WDR45: variants seen among roughly 807,000 people sequenced by gnomAD.
WDR45 encodes WD repeat domain 45.
In WDR45, 2 loss-of-function variants were observed where a neutral mutation model predicts 27.3. That is an observed-to-expected ratio of 0.07 (90% CI 0.03 to 0.23). The LOEUF (loss-of-function observed/expected upper bound fraction) is 0.23. WDR45 is among the 10% of genes least tolerant of loss of function. WDR45 has a pLI of 1.00. For synonymous variants in WDR45, 99 were observed against 119.2 expected (o/e 0.83, Z 1.11); for missense variants, 175 against 311.9 (o/e 0.56, Z 3.31).
intron 2 of WDR45, among the ~76,000 whole-genome samples, chrX:49,096,203 G>A (rs1364840634): frequency 9.0e-6 from 1 of 111,055 alleles, no homozygotes; most frequent in African/African-American, 3.3e-5. Context: ...CTTCCCCCAA[G>A]TCCAAGCATC....
chrX:49,077,012 T>A, intron 4 of WDR45: 1 of 359,712 alleles, frequency 2.8e-6, no homozygotes, highest in Admixed American at 4.9e-5. Flanking sequence ...TCAAAGCTCA[T>A]CAGCAACCAA....
Position 49,075,273 on chromosome X carries a change from C to G in WDR45, c.836G>C (p.Arg279Pro), listed in dbSNP as rs782296130. The change falls in exon 10 of 11, where the codon CGC (arginine) becomes CCC (proline). Residue 279 changes from arginine to proline, a missense_variant. This residue lies in a region of WDR45 where 71 missense variants were observed against 123.0 expected (regional missense o/e 0.58). Coordinates refer to ENST00000376372, the MANE Select transcript of WDR45 (RefSeq NM_001029896.2). The stretch of plus-strand genomic sequence containing the variant: ...AATCATAGGCCCCACCTTGCCCACG[C>G]GAGCCAGCCTGCAGGCAGCACTGGC... ...TRLNRRSALA[R>P]VGKVGPMIGQ... The G allele has an allele frequency of 3.3e-6, 4 of 1,210,645 alleles. No individual in the cohort carries two copies. The East Asian group carries it at 1.2e-4, about 36-fold the overall frequency.
intron 2 of WDR45, among the ~76,000 whole-genome samples, chrX:49,087,050 TG>T (rs1351785531): frequency 9.2e-6 from 1 of 109,063 alleles, no homozygotes; most frequent in African/African-American, 3.3e-5. Context: ...TTTTGTTTTT[TG>T]TTTTTTTTTT....
chrX:49,075,802 G>A (rs782652200), intron 7 of WDR45, 49 bp from the exon 8 acceptor site: 2 of 1,192,593 alleles, frequency 1.7e-6, no homozygotes, highest in Admixed American at 2.3e-5. Context: ...GGAGGGAAGG[G>A]GCCAAGAGTC....
chrX:49,091,622 G>T lies in WDR45; in HGVS notation c.-18+8583C>A, dbSNP rs1206311873. On this transcript the variant is annotated intron_variant, in intron 2 of 11. Transcript: ENST00000356463. The stretch of plus-strand genomic sequence containing the variant: ...AAATTAGCCGGGCGCGGTGGCGGGC[G>T]CCTGTAGTCCCAGCTACTCGGGAGG... Among the ~76,000 whole-genome samples, 2 of 99,548 alleles carry T rather than the reference G, an allele frequency of 2.0e-5. 1 individual carries two copies. 86.4% of individuals were successfully genotyped at this position (99,548 alleles called of 115,157 possible). A position where few individuals can be genotyped will look rare whatever the true frequency, so the allele number is the denominator to read the frequency against.
At chrX:49,098,809 C>T (rs2065135183) in intron 2 of WDR45, among the ~76,000 whole-genome samples, 1 of 110,634 alleles carries the variant, frequency 9.0e-6, no homozygotes, top group African/African-American at 3.3e-5. Context: ...CCTGTCTCTA[C>T]CCCCCCACCA....
rs1388052664 is a variant in WDR45 at position 49,075,808 on chromosome X, G to A, written c.517-55C>T. ...GGGTGGTATGGAGGGAAGGGGCCAA[G>A]AGTCCACAAGGAAGCCAGTCCACCA... On this transcript the variant is annotated intron_variant, in intron 7 of 10. Transcript: ENST00000376372. 4 of 1,195,544 alleles carry A rather than the reference G, an allele frequency of 3.3e-6. No homozygotes were observed. The African/African-American group carries it at 7.1e-5, about 21-fold the overall frequency.
At chrX:49,082,042 G>A (rs1217646480), upstream of WDR45, 1 of 108,437 alleles carries the variant, frequency 9.2e-6, no homozygotes, top group Non-Finnish European at 1.9e-5. Flanking sequence ...TTTTGCAGTG[G>A]CAGTATCATA....
chrX:49,096,113 C>CT (rs1247634107), intron 2 of WDR45, among the ~76,000 whole-genome samples: 3 of 110,271 alleles, frequency 2.7e-5, no homozygotes, highest in African/African-American at 9.9e-5. Flanking sequence ...GGGAACTGAA[C>CT]TTTTTTTCCT....
At chrX:49,088,126 G>A (rs995912372) in intron 2 of WDR45, among the ~76,000 whole-genome samples, 4 of 111,692 alleles carry the variant, frequency 3.6e-5, no homozygotes, top group East Asian at 5.6e-4. Context: ...AGAAAAGGCC[G>A]GGTGTGGTGG....
Position 49,076,778 on chromosome X carries a change from G to A in WDR45, c.236-28C>T, listed in dbSNP as rs1557084340. 5.2e-6 allele frequency: 6 copies of A among 1,154,774 alleles called. 1 individual carries two copies. In the South Asian group the frequency reaches 1.1e-4, roughly 22 times the overall value. ...GCTGGGCAGGTGGGTGGGTTGTCGGGGCCAAGGTTTAGGGTAAGGGGCAGC... is the reference window on the plus strand; with the variant it reads ...GCTGGGCAGGTGGGTGGGTTGTCGGAGCCAAGGTTTAGGGTAAGGGGCAGC... On this transcript the variant is annotated intron_variant, in intron 4 of 10. Transcript: ENST00000376372.
chrX:49,077,664 G>T lies in WDR45; in HGVS notation c.214C>A (p.Pro72Thr), dbSNP rs782819490. ...LLALVGGGSSPKFSEISVLIW... is the reference protein window; with the variant it reads ...LLALVGGGSSTKFSEISVLIW... ...TTACCTGAGATCTCTGAGAACTTGG[G>T]ACTACTACCACCGCCCACCAAGGCC... is the stretch of plus-strand genomic sequence containing the variant. Residue 72 changes from proline (P) to threonine (T), a missense_variant, in exon 4 of 11, where the codon CCC (proline) becomes ACC (threonine). Around this residue, in one of 3 missense-constraint regions of WDR45, gnomAD observed 102 missense variants for 165.4 expected, o/e 0.62. Coordinates refer to ENST00000376372, the MANE Select transcript of WDR45 (RefSeq NM_001029896.2). 4 of 1,198,562 alleles carry T rather than the reference G, an allele frequency of 3.3e-6. No homozygotes were observed. In the African/African-American group the frequency reaches 7.0e-5, roughly 21 times the overall value.
chrX:49,093,733 G>A (rs1006572076), intron 2 of WDR45, among the ~76,000 whole-genome samples: 1 of 109,843 alleles, frequency 9.1e-6, no homozygotes, highest in Admixed American at 9.9e-5. Flanking sequence ...GTGAAGATGC[G>A]GTCTCATTAT....
chrX:49,074,566 T>A lies in WDR45; in HGVS notation c.*237A>T. The A allele has an allele frequency of 2.5e-6, 1 of 404,589 alleles. No homozygotes were observed. Among genetic ancestry groups the A allele is most frequent in the Non-Finnish European group, 4.3e-6 (1 of 234,375 alleles). 33.3% of individuals were successfully genotyped at this position (404,589 alleles called of 1,213,427 possible). A position where few individuals can be genotyped will look rare whatever the true frequency, so the allele number is the denominator to read the frequency against. Reference sequence around the variant, plus strand: ...GGGTCCCTGGCAATTTCCTCCAGGTTAGGGATCCCAAGGGGTCGCTGCCTT... The same window carrying A: ...GGGTCCCTGGCAATTTCCTCCAGGTAAGGGATCCCAAGGGGTCGCTGCCTT... On this transcript the variant is annotated 3_prime_UTR_variant, in exon 11 of 11. Coordinates refer to ENST00000376372, the MANE Select transcript of WDR45 (RefSeq NM_001029896.2).
rs2065114449 is a variant in WDR45 at position 49,093,493 on chromosome X, CTAGGAT to C, written c.-18+6706_-18+6711del. Among the ~76,000 whole-genome samples, 4 of 107,873 alleles carry C rather than the reference CTAGGAT, an allele frequency of 3.7e-5. No individual in the cohort carries two copies. In the South Asian group the frequency reaches 1.6e-3, roughly 44 times the overall value. 93.7% of individuals were successfully genotyped at this position (107,873 alleles called of 115,157 possible). A position where few individuals can be genotyped will look rare whatever the true frequency, so the allele number is the denominator to read the frequency against. ...CTTCCTGTCTCAGTCTTCCAGAGTG[CTAGGAT>C]TACAAGCGTGAGCCACCACAATCAG... is the stretch of plus-strand genomic sequence containing the variant. On this transcript the variant is annotated intron_variant, in intron 2 of 11. Coordinates refer to the WDR45 transcript ENST00000356463.
intron 9 of WDR45, 41 bp from the exon 10 acceptor site, chrX:49,075,322 C>T: frequency 8.3e-7 from 1 of 1,207,644 alleles, no homozygotes; most frequent in South Asian, 1.8e-5. Context: ...GGTAAATGGG[C>T]AGGGGGACAG....
intron 2 of WDR45, among the ~76,000 whole-genome samples, chrX:49,085,283 G>A (rs928514202): frequency 8.9e-6 from 1 of 112,008 alleles, no homozygotes; most frequent in African/African-American, 3.2e-5. Context: ...CAAATGGATT[G>A]GAGGGAACAG....
Position 49,075,935 on chromosome X carries a change from G to A in WDR45, c.447C>T (p.Asp149=), listed in dbSNP as rs1557084139. ...GTTGCTTCTCCAGGCTGGGGCAGAG[G>A]TCACAGAGCCCTAGGGTGTGAAGAT... ...DTRDNPKGLC[D]LCPSLEKQLL... is the part of the protein sequence containing the mutation. The change falls in exon 7 of 11, where the codon GAC becomes GAT. Residue 149 remains aspartate (D), a synonymous_variant. Transcript: ENST00000376372. The A allele has an allele frequency of 8.3e-7, 1 of 1,207,172 alleles. No individual in the cohort carries two copies. The highest frequency in any genetic ancestry group is 1.1e-6 in the Non-Finnish European group (1 of 893,889).
chrX:49,075,517 C>G, intron 8 of WDR45, 28 bp downstream of exon 8: 1 of 1,211,095 alleles, frequency 8.3e-7, no homozygotes, highest in Non-Finnish European at 1.1e-6. Flanking sequence ...ATGGGGTCAC[C>G]AGCCCACCAT....
Sources: gnomAD v4.1 joint callset for allele counts (sites outside exome capture counted in the v4.1 genomes callset) on GRCh38, gnomAD v4.1.1 for gene constraint, gnomAD v4.1.1 regional missense constraint, MANE v1.5 for transcripts, NCBI Gene and HGNC (gene_info 2026-07-23, HGNC 2026-07-21) for gene names.